The following EPM2A variants were observed in gnomAD, a reference collection of about 807,000 sequenced individuals.
The protein encoded by EPM2A is laforin.
In EPM2A, 21 loss-of-function variants were observed where a neutral mutation model predicts 26.5. The observed-to-expected ratio is 0.79, with a 90% CI of 0.56 to 1.14. The LOEUF (loss-of-function observed/expected upper bound fraction) is 1.14, where lower values mean the gene tolerates loss of function less well. EPM2A is among the 50% of genes most tolerant of loss of function. The pLI is 0.00. For missense variants in EPM2A, 458 were observed against 440.8 expected, an observed-to-expected ratio of 1.04 and a Z score of -0.35; for synonymous variants, 217 against 177.6, an observed-to-expected ratio of 1.22 and a Z score of -1.76.
intron 4 of EPM2A, among the ~76,000 whole-genome samples, chr6:145,489,148 C>T (rs191541293): frequency 3.9e-5 from 6 of 152,234 alleles, no homozygotes; most frequent in Admixed American, 1.3e-4. Context: ...TTTGTTCCAA[C>T]GAAAGAAAGC....
chr6:145,619,494 G>A (rs1377646026), intron 2 of EPM2A, among the ~76,000 whole-genome samples: 2 of 152,226 alleles, frequency 1.3e-5, no homozygotes, highest in African/African-American at 4.8e-5. Context: ...AAAGGAAGAT[G>A]TGACTCAGAA....
rs149618002 is a variant in EPM2A, at chr6:145,580,095, G to T, written c.340+55150C>A. On this transcript the variant is annotated intron_variant, in intron 2 of 3. Transcript: ENST00000450221. ...CAAAATATTTACATAATAAGAAAAG[G>T]TTATTATAGATTTACCCATGGAGTT... Among the ~76,000 whole-genome samples the T allele has an allele frequency of 4.3e-3, 655 of 152,094 alleles. 5 individuals carry two copies. The highest frequency in any genetic ancestry group is 0.014 in the African/African-American group (566 of 41,506).
chr6:145,517,696 G>T (rs890062144), intron 2 of EPM2A, among the ~76,000 whole-genome samples: 1 of 152,154 alleles, frequency 6.6e-6, no homozygotes, highest in African/African-American at 2.4e-5. Flanking sequence ...GTCTGCGAAG[G>T]GAACAATGAA....
chr6:145,513,876 G>A (rs1313331181), intron 2 of EPM2A, among the ~76,000 whole-genome samples: 1 of 152,174 alleles, frequency 6.6e-6, no homozygotes, highest in Non-Finnish European at 1.5e-5. Flanking sequence ...GATGGTCTGT[G>A]CTGCAATAAC....
At chr6:145,428,056 C>T (rs1582747344) in intron 4 of EPM2A, among the ~76,000 whole-genome samples, 2 of 141,150 alleles carry the variant, frequency 1.4e-5, no homozygotes, top group South Asian at 2.3e-4. Flanking sequence ...TTCTTTTTTC[C>T]TATCTTTTTG....
chr6:145,712,201 A>G (rs1253421430), intron 1 of EPM2A, among the ~76,000 whole-genome samples: 1 of 152,142 alleles, frequency 6.6e-6, no homozygotes, highest in Non-Finnish European at 1.5e-5. Flanking sequence ...GTGAAGATGA[A>G]GCCTGCAGCA....
intron 2 of EPM2A, among the ~76,000 whole-genome samples, chr6:145,648,265 G>A (rs942938476): frequency 6.6e-6 from 1 of 152,180 alleles, no homozygotes; most frequent in Non-Finnish European, 1.5e-5. Context: ...ATAAAAGGTA[G>A]AGACCAGCCT....
chr6:145,495,019 C>G (rs1008235273), intron 4 of EPM2A, among the ~76,000 whole-genome samples: 3 of 152,158 alleles, frequency 2.0e-5, no homozygotes, highest in African/African-American at 7.2e-5. Flanking sequence ...TGATCCAGAC[C>G]TGAGTTCAGG....
intron 2 of EPM2A, among the ~76,000 whole-genome samples, chr6:145,566,073 T>C (rs1780880993): frequency 6.6e-6 from 1 of 152,178 alleles, no homozygotes; most frequent in Admixed American, 6.5e-5. Context: ...AGCCTCTTCT[T>C]AGGTGAATGA....
At chr6:145,511,729 C>T (rs1304065706) in intron 2 of EPM2A, among the ~76,000 whole-genome samples, 1 of 152,164 alleles carries the variant, frequency 6.6e-6, no homozygotes, top group Non-Finnish European at 1.5e-5. Flanking sequence ...TCCCACCGCT[C>T]CTATTCAATA....
chr6:145,572,031 A>AAG (rs1780965587), intron 2 of EPM2A, among the ~76,000 whole-genome samples: 1 of 152,232 alleles, frequency 6.6e-6, no homozygotes, highest in Non-Finnish European at 1.5e-5. Flanking sequence ...GTCGCTGACC[A>AAG]TCCAGCCAAA....
chr6:145,499,846 TA>T, downstream of EPM2A, among the ~76,000 whole-genome samples: 1 of 152,232 alleles, frequency 6.6e-6, no homozygotes, highest in East Asian at 1.9e-4. Context: ...TGAATTAATT[TA>T]ACCAAGATAA....
At chr6:145,589,983 G>A (rs1323500622) in intron 2 of EPM2A, among the ~76,000 whole-genome samples, 1 of 151,634 alleles carries the variant, frequency 6.6e-6, no homozygotes, top group African/African-American at 2.4e-5. Context: ...TCTCTTCAGA[G>A]AATCGAGGTC....
chr6:145,578,534 C>T (rs1424717376), intron 2 of EPM2A, among the ~76,000 whole-genome samples: 1 of 151,984 alleles, frequency 6.6e-6, no homozygotes, highest in Non-Finnish European at 1.5e-5. Context: ...GTAATGAGAT[C>T]GAATTAATAA....
chr6:145,577,662 A>G (rs1200715881), intron 2 of EPM2A, among the ~76,000 whole-genome samples: 1 of 152,044 alleles, frequency 6.6e-6, no homozygotes, highest in Admixed American at 6.6e-5. Flanking sequence ...AATTCAACAA[A>G]GAAACCTCAG....
chr6:145,562,657 C>T (rs145979021), intron 2 of EPM2A, among the ~76,000 whole-genome samples: 1 of 152,074 alleles, frequency 6.6e-6, no homozygotes, highest in Admixed American at 6.6e-5. Context: ...CACCAGTCCC[C>T]TGCCCACATT....
intron 1 of EPM2A, among the ~76,000 whole-genome samples, chr6:145,730,374 T>C (rs1016794978): frequency 6.6e-6 from 1 of 152,232 alleles, no homozygotes; most frequent in African/African-American, 2.4e-5. Context: ...CTCTTCCTTC[T>C]TCTCCCTTAT....
At chr6:145,439,346 T>C (rs931412840) in intron 4 of EPM2A, among the ~76,000 whole-genome samples, 1 of 152,218 alleles carries the variant, frequency 6.6e-6, no homozygotes, top group African/African-American at 2.4e-5. Flanking sequence ...ATTGCTGGGT[T>C]GAATGGTAAT....
intron 2 of EPM2A, among the ~76,000 whole-genome samples, chr6:145,531,491 A>G (rs1304446441): frequency 1.3e-5 from 2 of 152,236 alleles, no homozygotes; most frequent in African/African-American, 2.4e-5. Context: ...GCACTTTGCT[A>G]AAACCTCTTA....
Sources: allele counts gnomAD v4.1 joint callset (sites outside exome capture counted in the v4.1 genomes callset), GRCh38; gene constraint gnomAD v4.1.1; transcripts MANE v1.5; gene names NCBI Gene and HGNC (gene_info 2026-07-23, HGNC 2026-07-21).